Variants in ARHGAP20 observed in about 807,000 individuals in gnomAD.
ARHGAP20 encodes rho GTPase-activating protein 20.
ARHGAP20 carries 34 observed loss-of-function variants against 73.7 expected under a neutral mutation model. The ratio of observed to expected loss-of-function variants is 0.46; its 90% CI spans 0.35 to 0.61. The LOEUF (loss-of-function observed/expected upper bound fraction) is 0.61, where lower values mean the gene tolerates loss of function less well. ARHGAP20 is among the 20% of genes least tolerant of loss of function. The pLI is 0.00. For missense variants in ARHGAP20, 1,314 were observed against 1,420.9 expected (o/e 0.92, Z 1.21); for synonymous variants, 523 against 518.2 (o/e 1.01, Z -0.13).
rs562466026 is a variant in ARHGAP20 at position 110,589,059 on chromosome 11, G to A, written c.1305+1589C>T. ...TGCACTCCAGCCTGGGCAACAGAGT[G>A]AGACCCCGACTGAAAAAAACAAAAA... is the stretch of plus-strand genomic sequence containing the variant. On this transcript the variant is annotated intron_variant, in intron 11 of 14. Transcript: ENST00000683387. Among the ~76,000 whole-genome samples the A allele has an allele frequency of 1.3e-4, 20 of 151,914 alleles. No homozygotes were observed. In the South Asian group the frequency reaches 1.7e-3, roughly 13 times the overall value.
At chr11:110,606,195 C>T (rs1178241917) in intron 9 of ARHGAP20, among the ~76,000 whole-genome samples, 1 of 152,170 alleles carries the variant, frequency 6.6e-6, no homozygotes, top group Non-Finnish European at 1.5e-5. Context: ...CCATCATTGA[C>T]AGCCTCCTTT....
At chr11:110,690,439 A>T in intron 2 of ARHGAP20, 108 bp downstream of exon 2, 1 of 1,103,616 alleles carries the variant, frequency 9.1e-7, no homozygotes, top group Non-Finnish European at 1.3e-6. Context: ...TCTGGTGCTG[A>T]TAACAAACAA....
chr11:110,681,785 C>G (rs761020372), intron 2 of ARHGAP20, among the ~76,000 whole-genome samples: 3 of 152,162 alleles, frequency 2.0e-5, no homozygotes, highest in Non-Finnish European at 2.9e-5. Context: ...AGCCAGTTAG[C>G]AAATGGCTGC....
intron 2 of ARHGAP20, among the ~76,000 whole-genome samples, chr11:110,636,123 T>C (rs1255471739): frequency 6.6e-6 from 1 of 152,102 alleles, no homozygotes; most frequent in East Asian, 1.9e-4. Context: ...CTAGGGACCT[T>C]CAAACTATTA....
At chr11:110,634,008 G>A (rs1484544514) in intron 2 of ARHGAP20, among the ~76,000 whole-genome samples, 1 of 152,186 alleles carries the variant, frequency 6.6e-6, no homozygotes, top group Middle Eastern at 3.2e-3. Flanking sequence ...GTAAGTTGAA[G>A]AGATGAAGGG....
At chr11:110,662,013 T>C (rs1489868464) in intron 2 of ARHGAP20, among the ~76,000 whole-genome samples, 1 of 152,010 alleles carries the variant, frequency 6.6e-6, no homozygotes, top group African/African-American at 2.4e-5. Context: ...GCAATGAATT[T>C]ACAGGAAACT....
chr11:110,700,537 C>T (rs564458467), intron 1 of ARHGAP20, among the ~76,000 whole-genome samples: 4 of 151,922 alleles, frequency 2.6e-5, no homozygotes, highest in African/African-American at 9.6e-5. Flanking sequence ...TTCAAAGACA[C>T]TGGCTCTGTA....
At chr11:110,600,257 A>G (rs904018193) in intron 9 of ARHGAP20, among the ~76,000 whole-genome samples, 4 of 152,240 alleles carry the variant, frequency 2.6e-5, no homozygotes, top group Admixed American at 2.0e-4. Context: ...GGAAGCCCAG[A>G]GCTGGGAGCT....
chr11:110,676,829 A>T (rs189413442), intron 2 of ARHGAP20, among the ~76,000 whole-genome samples: 1,624 of 150,548 alleles, frequency 0.011, 18 homozygotes, highest in Non-Finnish European at 0.017. Context: ...TTTTTTTTTA[A>T]AAAATTGACA....
intron 2 of ARHGAP20, among the ~76,000 whole-genome samples, chr11:110,638,609 G>A (rs917772176): frequency 2.0e-5 from 3 of 151,830 alleles, no homozygotes; most frequent in Non-Finnish European, 4.4e-5. Flanking sequence ...GTGAGCTGGA[G>A]ATGAAATTGA....
chr11:110,632,237 T>C (rs2134961450), intron 2 of ARHGAP20, among the ~76,000 whole-genome samples: 1 of 152,278 alleles, frequency 6.6e-6, no homozygotes, highest in South Asian at 2.1e-4. Context: ...GGTATAAGTT[T>C]AATTTTAGAA....
chr11:110,624,410 G>T, intron 3 of ARHGAP20, 99 bp from the exon 4 acceptor site: 1 of 1,005,024 alleles, frequency 1.0e-6, no homozygotes, highest in Non-Finnish European at 1.4e-6. Context: ...ACTAACACAG[G>T]TACAGAAAAC....
chr11:110,636,919 CTTT>C (rs1565451531), intron 2 of ARHGAP20, among the ~76,000 whole-genome samples: 5 of 151,796 alleles, frequency 3.3e-5, no homozygotes, highest in Admixed American at 6.6e-5. Context: ...TCTATTTAGC[CTTT>C]TAATATAGCC....
At position 110,577,915 on chromosome 11, in the gene ARHGAP20, TTAATAAGACAAATAATTTGG is replaced by T. The variant is rs1206644956; in HGVS notation, c.*1435_*1454del. 1 of 985,698 alleles carries T rather than the reference TTAATAAGACAAATAATTTGG, an allele frequency of 1.0e-6. No homozygotes were observed. Among genetic ancestry groups the T allele is most frequent in the African/African-American group, 1.7e-5 (1 of 57,336 alleles). The allele number at this position is 985,698 out of a possible 1,614,324, so 61.1% of individuals were successfully genotyped here. On this transcript the variant is annotated 3_prime_UTR_variant, in exon 15 of 15. Transcript: ENST00000683387. The stretch of plus-strand genomic sequence containing the variant: ...ATTTGATATGACCATTTTCTGGTGA[TTAATAAGACAAATAATTTGG>T]AATAAGCTAGCTTGTGAGAGAAAGG...
At chr11:110,681,724 G>T (rs1950040505) in intron 2 of ARHGAP20, among the ~76,000 whole-genome samples, 1 of 152,190 alleles carries the variant, frequency 6.6e-6, no homozygotes, top group South Asian at 2.1e-4. Flanking sequence ...GACAATGTGA[G>T]CATGGTGGTG....
At position 110,580,736 on chromosome 11, in the gene ARHGAP20, T is replaced by C; in HGVS notation, c.2210A>G (p.Gln737Arg). The C allele has an allele frequency of 6.2e-7, 1 of 1,614,160 alleles. No individual in the cohort carries two copies. The part of the protein sequence containing the change: ...RKSSCDAILS[Q>R]KDEDYLKQNQ... ...CTGCTTCAGATAGTCTTCATCTTTT[T>C]GAGAAAGAATTGCATCACAGCTGGA... The change falls in exon 15 of 15, where the codon CAA becomes CGA. Residue 737 changes from glutamine (Q) to arginine (R), a missense_variant. This residue lies in a region of ARHGAP20 where 641 missense variants were observed against 636.9 expected (regional missense o/e 1.01). Transcript: ENST00000683387.
rs1337739895 is a variant in ARHGAP20, at chr11:110,638,995, T to TATA, written c.189-8206_189-8204dup. Among the ~76,000 whole-genome samples, 8 of 152,078 alleles carry TATA rather than the reference T, an allele frequency of 5.3e-5. No individual in the cohort carries two copies. The East Asian group carries it at 1.5e-3, about 29-fold the overall frequency. On this transcript the variant is annotated intron_variant, in intron 2 of 14. Coordinates refer to ENST00000683387, the MANE Select transcript of ARHGAP20 (RefSeq NM_001384657.1). ...TGCACATGTACCCTAAAACTTAGGG[T>TATA]ATAATAATAATAAAAAAAGAAAAAG...
intron 14 of ARHGAP20, among the ~76,000 whole-genome samples, 153 bp downstream of exon 14, chr11:110,582,168 G>A (rs1217569071): frequency 2.0e-5 from 3 of 152,150 alleles, no homozygotes; most frequent in African/African-American, 7.2e-5. Context: ...GGCCATCTAA[G>A]GAAGGATCAA....
At chr11:110,677,200 A>T (rs1318422708) in intron 2 of ARHGAP20, among the ~76,000 whole-genome samples, 1 of 152,234 alleles carries the variant, frequency 6.6e-6, no homozygotes, top group Non-Finnish European at 1.5e-5. Context: ...AATACTAAGA[A>T]CAGAATTTGA....
Sources: gnomAD v4.1 joint callset for allele counts (sites outside exome capture counted in the v4.1 genomes callset) on GRCh38, gnomAD v4.1.1 for gene constraint, gnomAD v4.1.1 regional missense constraint, MANE v1.5 for transcripts, NCBI Gene and HGNC (gene_info 2026-07-23, HGNC 2026-07-21) for gene names.